Variants in OSBPL3 observed in about 807,000 individuals in gnomAD.
OSBPL3 encodes oxysterol-binding protein-related protein 3.
Under a neutral mutation model 120.1 loss-of-function variants are expected in OSBPL3, and 65 were observed. The ratio of observed to expected loss-of-function variants is 0.54; its 90% CI spans 0.44 to 0.67. The LOEUF (loss-of-function observed/expected upper bound fraction) is 0.67. OSBPL3 is among the 30% of genes least tolerant of loss of function. The pLI is 0.00. For missense variants in OSBPL3, 1,004 were observed against 1,082.1 expected, an observed-to-expected ratio of 0.93 and a Z score of 1.01; for synonymous variants, 416 against 402.6, an observed-to-expected ratio of 1.03 and a Z score of -0.40.
intron 1 of OSBPL3, among the ~76,000 whole-genome samples, chr7:24,915,494 AAT>A (rs1809413892): frequency 6.6e-6 from 1 of 152,156 alleles, no homozygotes; most frequent in African/African-American, 2.4e-5. Flanking sequence ...TCAAACATGA[AAT>A]GTTTCCAAAT....
At chr7:24,812,921 CAGAG>C (rs1794016531) in intron 19 of OSBPL3, among the ~76,000 whole-genome samples, 1 of 152,194 alleles carries the variant, frequency 6.6e-6, no homozygotes, top group Non-Finnish European at 1.5e-5. Flanking sequence ...TTCTGTTCCC[CAGAG>C]TAGAGTGCAG....
intron 1 of OSBPL3, among the ~76,000 whole-genome samples, chr7:24,904,862 C>T (rs1042845073): frequency 6.7e-6 from 1 of 150,140 alleles, no homozygotes; most frequent in African/African-American, 2.5e-5. Flanking sequence ...GGGAGAATAC[C>T]AGTTATTGTT....
At chr7:24,910,456 T>C (rs567346825) in intron 1 of OSBPL3, among the ~76,000 whole-genome samples, 1 of 152,232 alleles carries the variant, frequency 6.6e-6, no homozygotes, top group African/African-American at 2.4e-5. Flanking sequence ...TATGAATAAA[T>C]GTGGGCTAAT....
At position 24,896,757 on chromosome 7, in the gene OSBPL3, A is replaced by G. The variant is rs1584539792; in HGVS notation, c.-149-4136T>C. 6.6e-6 allele frequency among the ~76,000 whole-genome samples: 1 copy of G among 152,202 alleles called. No individual in the cohort carries two copies. The highest frequency in any genetic ancestry group is 1.9e-4 in the East Asian group (1 of 5,206). ...TTTTTTCCTGTATAAAATGGGGAAT[A>G]ATAATAGCCACCCCAGAAAATTAGA... On this transcript the variant is annotated intron_variant, in intron 1 of 22. Transcript: ENST00000313367. The surrounding 1 kb of genome is among the most constrained non-coding windows in gnomAD (Gnocchi z 4.4).
At chr7:24,876,686 C>T (rs1245095836) in intron 2 of OSBPL3, among the ~76,000 whole-genome samples, 1 of 152,138 alleles carries the variant, frequency 6.6e-6, no homozygotes, top group African/African-American at 2.4e-5. Flanking sequence ...TACAGCATGC[C>T]ATTTAAAACA....
rs574664916 is a variant in OSBPL3, at chr7:24,857,435, A to G, written c.1027+4178T>C. 4.1e-4 allele frequency among the ~76,000 whole-genome samples: 62 copies of G among 152,354 alleles called. 1 individual carries two copies. The highest frequency in any genetic ancestry group is 3.4e-3 in the Middle Eastern group (1 of 294). On this transcript the variant is annotated intron_variant, in intron 10 of 22. Transcript: ENST00000313367. ...CTGCTAACAGAACACTCTCTCAGAA[A>G]GCCTTCTTGTAACAATAAGCAATAG...
rs1794495388 is a variant in OSBPL3 at position 24,816,548 on chromosome 7, C to G, written c.2027+62G>C. 2.5e-6 allele frequency: 3 copies of G among 1,193,110 alleles called. No homozygotes were observed. The Admixed American group carries it at 5.2e-5, about 21-fold the overall frequency. The allele number at this position is 1,193,110 out of a possible 1,614,324, so 73.9% of individuals were successfully genotyped here. A position where few individuals can be genotyped will look rare whatever the true frequency, so the allele number is the denominator to read the frequency against. On this transcript the variant is annotated intron_variant, in intron 18 of 22. Transcript: ENST00000313367. ...CGGGGGCGGGGGTGGGCATCCTGTC[C>G]CCAAAGCAAAATCTTGGCCCTAAAT...
In OSBPL3 at chr7:24,898,267, G is replaced by A. The variant is rs190242338; in HGVS notation, c.-149-5646C>T. 3.3e-5 allele frequency among the ~76,000 whole-genome samples: 5 copies of A among 152,222 alleles called. No homozygotes were observed. Among genetic ancestry groups the A allele is most frequent in the Non-Finnish European group, 7.3e-5 (5 of 68,030 alleles). ...ACTTCAGATACCGATCGGTGATCCC[G>A]GACCTCTGAAGTGCTGTCCATGTGT... On this transcript the variant is annotated intron_variant, in intron 1 of 22. Transcript: ENST00000313367. This position sits in a 1 kb window ranked among gnomAD's most constrained non-coding sequence, Gnocchi z 4.3.
intron 1 of OSBPL3, among the ~76,000 whole-genome samples, chr7:24,919,230 G>A (rs1234526039): frequency 6.6e-6 from 1 of 152,088 alleles, no homozygotes; most frequent in Non-Finnish European, 1.5e-5. Context: ...TTTCGAAGTT[G>A]GAGGAGTCAC....
intron 5 of OSBPL3, among the ~76,000 whole-genome samples, chr7:24,868,407 AAAATGATAGAT>A (rs1320348677): frequency 6.6e-6 from 1 of 151,800 alleles, no homozygotes; most frequent in South Asian, 2.1e-4. Flanking sequence ...TCAAGGTAAA[AAAATGATAGAT>A]AAATGATAGA....
rs1814693416 is a variant in OSBPL3, at chr7:24,953,505, AG to A, written c.-150+26380del. Among the ~76,000 whole-genome samples the A allele has an allele frequency of 6.6e-6, 1 of 152,238 alleles. No homozygotes were observed. The highest frequency in any genetic ancestry group is 1.5e-5 in the Non-Finnish European group (1 of 68,034). Reference sequence around the variant, plus strand: ...GACTTGAATAATCATCTTAAATAAAAGTTTATTAATTGAACATTCATTATTA... The same window carrying A: ...GACTTGAATAATCATCTTAAATAAAATTTATTAATTGAACATTCATTATTA... On this transcript the variant is annotated intron_variant, in intron 1 of 22. Transcript: ENST00000313367. This position sits in a 1 kb window ranked among gnomAD's most constrained non-coding sequence, Gnocchi z 4.3.
intron 1 of OSBPL3, among the ~76,000 whole-genome samples, chr7:24,960,969 G>C (rs1206044005): frequency 6.6e-6 from 1 of 152,178 alleles, no homozygotes. Flanking sequence ...CAAAAGGCAG[G>C]TAGCAACAAG....
intron 1 of OSBPL3, among the ~76,000 whole-genome samples, chr7:24,958,537 A>G (rs1473269864): frequency 6.6e-6 from 1 of 152,168 alleles, no homozygotes; most frequent in African/African-American, 2.4e-5. Flanking sequence ...AAGGCATTTC[A>G]ATGTTTATGA....
At chr7:24,859,987 A>AT (rs1800302025) in intron 10 of OSBPL3, among the ~76,000 whole-genome samples, 1 of 152,184 alleles carries the variant, frequency 6.6e-6, no homozygotes, top group African/African-American at 2.4e-5. Flanking sequence ...CACATACCCT[A>AT]TACCCAGTTT....
chr7:24,800,405 T>G, intron 22 of OSBPL3, 126 bp from the exon 23 acceptor site: 1 of 563,610 alleles, frequency 1.8e-6, no homozygotes, highest in Non-Finnish European at 3.2e-6. Flanking sequence ...TCCCAGAGTG[T>G]TGGGACCGGG....
chr7:24,950,016 C>T (rs1038427399), intron 1 of OSBPL3, among the ~76,000 whole-genome samples: 2 of 152,168 alleles, frequency 1.3e-5, no homozygotes, highest in African/African-American at 2.4e-5. Context: ...AAGTCAACAG[C>T]TTGGAATTTG....
rs1188292195 is a variant in OSBPL3, at chr7:24,835,732, C to T, written c.1496-996G>A. On this transcript the variant is annotated intron_variant, in intron 14 of 22. Transcript: ENST00000313367. This position sits in a 1 kb window ranked among gnomAD's most constrained non-coding sequence, Gnocchi z 4.8. ...TATACACCATGGAATACTGTGCAGCCATAAAAAAGAATGGGATCATAGCCT... is the reference window on the plus strand; with the variant it reads ...TATACACCATGGAATACTGTGCAGCTATAAAAAAGAATGGGATCATAGCCT... 6.6e-6 allele frequency among the ~76,000 whole-genome samples: 1 copy of T among 151,996 alleles called. No homozygotes were observed. Among genetic ancestry groups the T allele is most frequent in the Non-Finnish European group, 1.5e-5 (1 of 68,000 alleles).
In OSBPL3 at chr7:24,896,572, G is replaced by T. The variant is rs932549199; in HGVS notation, c.-149-3951C>A. Among the ~76,000 whole-genome samples, 1 of 152,174 alleles carries T rather than the reference G, an allele frequency of 6.6e-6. No individual in the cohort carries two copies. The highest frequency in any genetic ancestry group is 1.5e-5 in the Non-Finnish European group (1 of 68,040). On this transcript the variant is annotated intron_variant, in intron 1 of 22. Transcript: ENST00000313367. This position sits in a 1 kb window ranked among gnomAD's most constrained non-coding sequence, Gnocchi z 4.4. ...CTGATTTTAAGACTCATGTTAGTAGGTTTCACTTAGAAAAGATAACACAAT... is the reference window on the plus strand; with the variant it reads ...CTGATTTTAAGACTCATGTTAGTAGTTTTCACTTAGAAAAGATAACACAAT...
At chr7:24,905,923 T>C (rs940026864) in intron 1 of OSBPL3, among the ~76,000 whole-genome samples, 4 of 151,850 alleles carry the variant, frequency 2.6e-5, no homozygotes, top group Admixed American at 6.6e-5. Context: ...TCCCAGCTAT[T>C]TGGGAGGCTG....
Sources: allele counts gnomAD v4.1 joint callset (sites outside exome capture counted in the v4.1 genomes callset), GRCh38; gene constraint gnomAD v4.1.1; non-coding constraint Gnocchi (gnomAD v3.1); transcripts MANE v1.5; gene names NCBI Gene and HGNC (gene_info 2026-07-23, HGNC 2026-07-21).